FBLN7: variants seen among roughly 807,000 people sequenced by gnomAD.
The protein encoded by FBLN7 is fibulin-7.
Under a neutral mutation model 44.0 loss-of-function variants are expected in FBLN7, and 31 were observed. The ratio of observed to expected loss-of-function variants is 0.70; its 90% CI spans 0.53 to 0.95. FBLN7 has a LOEUF of 0.95. Ranked by LOEUF, FBLN7 falls within the 40% of genes least tolerant of loss-of-function variation. The pLI, the probability that FBLN7 is intolerant of heterozygous loss-of-function variation, is 0.00. For synonymous variants in FBLN7, 262 were observed against 253.4 expected (o/e 1.03, Z -0.32); for missense variants, 573 against 618.5 (o/e 0.93, Z 0.78).
At chr2:112,164,412 G>A (rs957073614) in intron 2 of FBLN7, among the ~76,000 whole-genome samples, 13 of 152,216 alleles carry the variant, frequency 8.5e-5, no homozygotes, top group Non-Finnish European at 2.9e-5. Context: ...AAGAAAGTTC[G>A]GATGGTTACA....
the FBLN7 span, chr2:112,216,301 C>A: frequency 6.6e-6 from 1 of 152,418 alleles, no homozygotes; most frequent in African/African-American, 2.4e-5. Flanking sequence ...TTCACTTGTA[C>A]ATTAGATCCC....
the FBLN7 span, chr2:112,231,022 T>C: frequency 1.0e-6 from 1 of 955,014 alleles, no homozygotes; most frequent in South Asian, 2.2e-5. Context: ...GTCATATTCA[T>C]AACTTTCAAA....
At chr2:112,224,921 C>G in the FBLN7 span, among the ~76,000 whole-genome samples, 1 of 152,120 alleles carries the variant, frequency 6.6e-6, no homozygotes, top group African/African-American at 2.4e-5. Flanking sequence ...ATACACATGT[C>G]AAAACTCATT....
At chr2:112,162,754 A>G (rs80138345) in intron 2 of FBLN7, among the ~76,000 whole-genome samples, 2,922 of 152,250 alleles carry the variant, frequency 0.019, 37 homozygotes, top group Middle Eastern at 0.037. Flanking sequence ...TTAAGCATCT[A>G]TTAAGTGCCA....
At chr2:112,207,723 T>C in the FBLN7 span, among the ~76,000 whole-genome samples, 4 of 152,206 alleles carry the variant, frequency 2.6e-5, no homozygotes, top group African/African-American at 9.6e-5. Flanking sequence ...ACGTTTTGGA[T>C]TGTAATGTCA....
the FBLN7 span, among the ~76,000 whole-genome samples, chr2:112,209,489 A>G: frequency 3.7e-4 from 56 of 152,368 alleles, no homozygotes; most frequent in South Asian, 0.011. Context: ...ATAAAGAAAT[A>G]TACCATAAAC....
At chr2:112,193,201 GT>G (rs764701220), downstream of FBLN7, among the ~76,000 whole-genome samples, 82 of 152,326 alleles carry the variant, frequency 5.4e-4, no homozygotes, top group Non-Finnish European at 1.0e-3. Flanking sequence ...AGCTCTTTGG[GT>G]GGCCAAGGCG....
the FBLN7 span, among the ~76,000 whole-genome samples, chr2:112,221,270 C>T: frequency 4.4e-3 from 665 of 152,196 alleles, 11 homozygotes; most frequent in African/African-American, 0.015. Flanking sequence ...GGTTTAGCAC[C>T]ATCCCCCTTG....
the FBLN7 span, among the ~76,000 whole-genome samples, chr2:112,209,484 G>T: frequency 1.3e-5 from 2 of 152,166 alleles, no homozygotes; most frequent in South Asian, 2.1e-4. Flanking sequence ...AAGTAATAAA[G>T]AAATATACCA....
chr2:112,221,798 G>A, the FBLN7 span, among the ~76,000 whole-genome samples: 4 of 151,964 alleles, frequency 2.6e-5, no homozygotes, highest in Non-Finnish European at 2.9e-5. Context: ...TCTTGGATTG[G>A]GTTGACTATC....
chr2:112,160,654 ACACGCGCACGCACACGCACACGCAGACG>A (rs1304824502), intron 2 of FBLN7, among the ~76,000 whole-genome samples: 42 of 142,750 alleles, frequency 2.9e-4, no homozygotes, highest in Non-Finnish European at 5.6e-4. Flanking sequence ...ACGCGCACGC[ACACGCGCACGCACACGCACACGCAGACG>A]CACGCACACG....
intron 3 of FBLN7, among the ~76,000 whole-genome samples, chr2:112,172,622 T>C (rs1363686033): frequency 6.7e-6 from 1 of 149,234 alleles, no homozygotes; most frequent in African/African-American, 2.5e-5. Flanking sequence ...CTTTTCTTTT[T>C]CTTTCTTTTT....
intron 1 of FBLN7, among the ~76,000 whole-genome samples, chr2:112,158,071 G>A (rs1446734407): frequency 1.1e-4 from 17 of 151,668 alleles, no homozygotes; most frequent in Admixed American, 1.1e-3. Flanking sequence ...ATAATTTTTT[G>A]TATTTTTAGT....
intron 5 of FBLN7, 63 bp downstream of exon 5, chr2:112,181,939 G>T (rs1370357167): frequency 1.3e-6 from 2 of 1,491,818 alleles, no homozygotes; most frequent in Non-Finnish European, 1.8e-6. Flanking sequence ...CGGGGAAGGG[G>T]CTCTCACCCA....
intron 3 of FBLN7, 120 bp downstream of exon 3, chr2:112,165,291 C>A: frequency 7.9e-7 from 1 of 1,272,676 alleles, no homozygotes; most frequent in Non-Finnish European, 1.1e-6. Flanking sequence ...CATTCCTCAA[C>A]CACAGAACAG....
At chr2:112,209,510 A>C in the FBLN7 span, among the ~76,000 whole-genome samples, 1 of 152,228 alleles carries the variant, frequency 6.6e-6, no homozygotes, top group African/African-American at 2.4e-5. Flanking sequence ...TTAGGGAGTG[A>C]AGAAATAATT....
At chr2:112,230,291 T>C in the FBLN7 span, among the ~76,000 whole-genome samples, 1 of 152,176 alleles carries the variant, frequency 6.6e-6, no homozygotes. Context: ...GTATAACTAC[T>C]TGAGAAAAAA....
Position 112,187,197 on chromosome 2 carries a change from C to T in FBLN7, c.1011C>T (p.Ile337=), listed in dbSNP as rs1282802944. ...CCTGCCGCCATCTGCCCAAGACCAT[C>T]TCCTTCCATTACCTCTCTCTGCCTT... The part of the protein sequence containing the change: ...SRPCRHLPKT[I]SFHYLSLPSN... Residue 337 remains isoleucine, a synonymous_variant, in exon 8 of 8, where the codon ATC becomes ATT. Coordinates refer to ENST00000331203, the MANE Select transcript of FBLN7 (RefSeq NM_153214.3). This position sits in a 1 kb window ranked among gnomAD's most constrained non-coding sequence, Gnocchi z 5.1. The T allele has an allele frequency of 1.2e-6, 2 of 1,614,020 alleles. No homozygotes were observed. The highest frequency in any genetic ancestry group is 1.7e-6 in the Non-Finnish European group (2 of 1,180,038).
the FBLN7 span, among the ~76,000 whole-genome samples, chr2:112,235,579 T>A: frequency 6.6e-6 from 1 of 152,160 alleles, no homozygotes; most frequent in African/African-American, 2.4e-5. Context: ...TCTAATATTT[T>A]ACCACCCCTT....
Sources: allele counts gnomAD v4.1 joint callset (sites outside exome capture counted in the v4.1 genomes callset), GRCh38; gene constraint gnomAD v4.1.1; non-coding constraint Gnocchi (gnomAD v3.1); transcripts MANE v1.5; gene names NCBI Gene and HGNC (gene_info 2026-07-23, HGNC 2026-07-21).